DOK6: variants seen among roughly 807,000 people sequenced by gnomAD.
DOK6 encodes the protein downstream of tyrosine kinase 6.
DOK6 carries 22 observed loss-of-function variants against 44.0 expected under a neutral mutation model. The observed-to-expected ratio is 0.50, with a 90% confidence interval of 0.36 to 0.71. The LOEUF (loss-of-function observed/expected upper bound fraction) is 0.71, where lower values mean the gene tolerates loss of function less well. Among genes scored for constraint, DOK6 ranks in the 30% least tolerant of loss-of-function variants. DOK6 has a pLI of 0.00. For missense variants in DOK6, 340 were observed against 416.4 expected (o/e 0.82, Z 1.60); for synonymous variants, 166 against 145.5 (o/e 1.14, Z -1.01).
intron 4 of DOK6, among the ~76,000 whole-genome samples, chr18:69,682,461 C>A (rs980080681): frequency 6.6e-6 from 1 of 152,170 alleles, no homozygotes; most frequent in African/African-American, 2.4e-5. Context: ...GCAGACAATG[C>A]CAGTGTCTAT....
At chr18:69,614,909 G>A (rs1599223083) in intron 3 of DOK6, among the ~76,000 whole-genome samples, 3 of 151,950 alleles carry the variant, frequency 2.0e-5, no homozygotes, top group African/African-American at 4.8e-5. Context: ...TTTGAAGCAT[G>A]TAGATTATTA....
intron 5 of DOK6, among the ~76,000 whole-genome samples, chr18:69,738,091 C>A (rs1332924494): frequency 1.3e-5 from 2 of 152,124 alleles, no homozygotes; most frequent in East Asian, 3.9e-4. Context: ...CTATAGGGCC[C>A]TAAGGGATCA....
chr18:69,657,241 C>T (rs1427111014), intron 3 of DOK6, among the ~76,000 whole-genome samples: 6 of 152,182 alleles, frequency 3.9e-5, no homozygotes. Context: ...CTCATGCCTG[C>T]CTGCCTTTCT....
At chr18:69,464,652 A>AT (rs1386637255) in intron 1 of DOK6, among the ~76,000 whole-genome samples, 1 of 152,252 alleles carries the variant, frequency 6.6e-6, no homozygotes, top group Non-Finnish European at 1.5e-5. Flanking sequence ...TTCTGTAGCT[A>AT]AAACACTGCG....
chr18:69,606,218 G>A (rs1235319066), intron 3 of DOK6, among the ~76,000 whole-genome samples: 1 of 151,672 alleles, frequency 6.6e-6, no homozygotes, highest in Admixed American at 6.6e-5. Context: ...GTTGCAGTAA[G>A]CTGAGATCAC....
intron 1 of DOK6, among the ~76,000 whole-genome samples, chr18:69,428,638 G>A (rs1422925197): frequency 6.6e-6 from 1 of 152,082 alleles, no homozygotes; most frequent in Admixed American, 6.5e-5. Context: ...ATAAACCTCT[G>A]ATAGCTCACT....
intron 5 of DOK6, among the ~76,000 whole-genome samples, chr18:69,733,692 C>T (rs1225258733): frequency 6.6e-6 from 1 of 151,904 alleles, no homozygotes; most frequent in East Asian, 1.9e-4. Flanking sequence ...GCATGCTCTA[C>T]ATATTACTTT....
At chr18:69,672,540 T>TAG (rs1985824712) in intron 3 of DOK6, among the ~76,000 whole-genome samples, 11 of 152,264 alleles carry the variant, frequency 7.2e-5, no homozygotes, top group African/African-American at 2.4e-4. Flanking sequence ...GTATTTTTAG[T>TAG]AGATTCGGGG....
intron 2 of DOK6, among the ~76,000 whole-genome samples, chr18:69,579,398 T>A (rs1352285658): frequency 2.0e-5 from 3 of 152,216 alleles, no homozygotes; most frequent in Non-Finnish European, 4.4e-5. Flanking sequence ...GGATTTTCAA[T>A]AGCCTGGAAT....
intron 7 of DOK6, among the ~76,000 whole-genome samples, chr18:69,830,367 G>A (rs1013242535): frequency 3.3e-5 from 5 of 152,110 alleles, no homozygotes; most frequent in African/African-American, 4.8e-5. Context: ...GATAAGTAAG[G>A]TAAAATGAGA....
chr18:69,635,465 G>A (rs1984784244), intron 3 of DOK6, among the ~76,000 whole-genome samples: 1 of 152,124 alleles, frequency 6.6e-6, no homozygotes, highest in South Asian at 2.1e-4. Context: ...TAATAAAGTA[G>A]TACCACTTAT....
chr18:69,612,426 G>A (rs539931160), intron 3 of DOK6, among the ~76,000 whole-genome samples: 30 of 147,224 alleles, frequency 2.0e-4, no homozygotes, highest in African/African-American at 7.3e-4. Flanking sequence ...TGTGTGCGAG[G>A]GCGCATGTGT....
rs193254461 is a variant in DOK6 at position 69,688,343 on chromosome 18, A to T, written c.410-10061A>T. On this transcript the variant is annotated intron_variant, in intron 4 of 7. Coordinates refer to ENST00000382713, the MANE Select transcript of DOK6 (RefSeq NM_152721.6). ...GAACTTGACAAGTCAATTTTAGATG[A>T]ATTTAGAAGGCAAAAGACCAACACG... Among the ~76,000 whole-genome samples, 42 of 152,320 alleles carry T rather than the reference A, an allele frequency of 2.8e-4. 1 individual carries two copies. Among genetic ancestry groups the T allele is most frequent in the African/African-American group, 9.9e-4 (41 of 41,580 alleles).
At chr18:69,410,669 T>C (rs1978302206) in intron 1 of DOK6, among the ~76,000 whole-genome samples, 1 of 152,220 alleles carries the variant, frequency 6.6e-6, no homozygotes, top group Non-Finnish European at 1.5e-5. Flanking sequence ...CCAGGCTCTC[T>C]TGATACATGA....
chr18:69,404,790 T>A (rs1401430858), intron 1 of DOK6, among the ~76,000 whole-genome samples: 180 of 87,074 alleles, frequency 2.1e-3, no homozygotes, highest in African/African-American at 6.3e-3. Flanking sequence ...TAGGGTGGTG[T>A]GTGTGTGTGT....
At chr18:69,590,747 C>G (rs1393032714) in intron 2 of DOK6, among the ~76,000 whole-genome samples, 1 of 152,056 alleles carries the variant, frequency 6.6e-6, no homozygotes, top group Non-Finnish European at 1.5e-5. Context: ...ACCATGGAGG[C>G]TGATGGGAAC....
At chr18:69,449,824 T>C (rs1309825299) in intron 1 of DOK6, among the ~76,000 whole-genome samples, 3 of 151,138 alleles carry the variant, frequency 2.0e-5, no homozygotes, top group South Asian at 2.1e-4. Context: ...CGGCAGGGTA[T>C]TCCAACAGAC....
chr18:69,574,209 C>G (rs1003897006), intron 2 of DOK6, among the ~76,000 whole-genome samples: 1 of 151,998 alleles, frequency 6.6e-6, no homozygotes, highest in Non-Finnish European at 1.5e-5. Context: ...AGATGCTCTT[C>G]TTGTTTGTAC....
At chr18:69,496,424 TC>T (rs1382951591) in intron 1 of DOK6, among the ~76,000 whole-genome samples, 1 of 152,234 alleles carries the variant, frequency 6.6e-6, no homozygotes, top group Non-Finnish European at 1.5e-5. Context: ...CAGCGGGGCT[TC>T]CCGGCTGCAG....
Sources: gnomAD v4.1 joint callset for allele counts (sites outside exome capture counted in the v4.1 genomes callset) on GRCh38, gnomAD v4.1.1 for gene constraint, MANE v1.5 for transcripts, NCBI Gene and HGNC (gene_info 2026-07-23, HGNC 2026-07-21) for gene names.